The following RABGAP1 variants were observed in gnomAD, a reference collection of about 807,000 sequenced individuals.
RABGAP1 encodes rab GTPase-activating protein 1.
Under a neutral mutation model 137.6 loss-of-function variants are expected in RABGAP1, and 23 were observed. That is an observed-to-expected ratio of 0.17 (90% CI 0.12 to 0.24). The LOEUF (loss-of-function observed/expected upper bound fraction) is 0.24, where lower values mean the gene tolerates loss of function less well. RABGAP1 is among the 10% of genes least tolerant of loss of function. The pLI is 1.00. For missense variants in RABGAP1, 906 were observed against 1,275.8 expected (o/e 0.71, Z 4.42); for synonymous variants, 451 against 450.7 (o/e 1.00, Z -0.01).
At chr9:122,944,514 CTT>C (rs950553437) in intron 1 of RABGAP1, among the ~76,000 whole-genome samples, 7 of 151,810 alleles carry the variant, frequency 4.6e-5, no homozygotes, top group African/African-American at 1.7e-4. Flanking sequence ...CTTAAATAAT[CTT>C]TGTTTGTTTC....
At chr9:122,954,488 C>T (rs542545172) in intron 1 of RABGAP1, among the ~76,000 whole-genome samples, 1 of 152,286 alleles carries the variant, frequency 6.6e-6, no homozygotes, top group East Asian at 1.9e-4. Context: ...GAACTTTGAG[C>T]TTGCCAAATC....
chr9:123,099,335 T>G, intron 23 of RABGAP1, 143 bp from the exon 24 acceptor site: 1 of 723,652 alleles, frequency 1.4e-6, no homozygotes, highest in South Asian at 1.9e-5. Flanking sequence ...TGCTTATCCA[T>G]CGACTTCATA....
At chr9:123,032,492 A>G (rs2032357963) in intron 13 of RABGAP1, among the ~76,000 whole-genome samples, 1 of 152,240 alleles carries the variant, frequency 6.6e-6, no homozygotes, top group Non-Finnish European at 1.5e-5. Context: ...GGGACTGGCC[A>G]GACAACTGCT....
At chr9:123,076,120 C>G in intron 17 of RABGAP1, 125 bp from the exon 18 acceptor site, 2 of 977,374 alleles carry the variant, frequency 2.0e-6, no homozygotes, top group Non-Finnish European at 3.0e-6. Context: ...CAAGGTAGTT[C>G]TGAGATAATG....
At chr9:123,076,806 T>C (rs1268653190) in intron 19 of RABGAP1, 44 bp downstream of exon 19, 1 of 1,455,526 alleles carries the variant, frequency 6.9e-7, no homozygotes, top group African/African-American at 1.4e-5. Context: ...TTTCACTTAG[T>C]GTCTCACTAT....
chr9:122,971,321 C>T (rs552240179), intron 2 of RABGAP1, among the ~76,000 whole-genome samples: 12 of 152,302 alleles, frequency 7.9e-5, no homozygotes, highest in Non-Finnish European at 1.5e-4. Flanking sequence ...ATTGATAATA[C>T]TCCAGGCACC....
At chr9:122,998,986 A>T (rs1837183889) in intron 10 of RABGAP1, among the ~76,000 whole-genome samples, 1 of 151,980 alleles carries the variant, frequency 6.6e-6, no homozygotes, top group Non-Finnish European at 1.5e-5. Context: ...TTTACTTTCA[A>T]CCCGAAGAAC....
At chr9:122,990,285 T>C in intron 6 of RABGAP1, 72 bp downstream of exon 6, 1 of 1,289,134 alleles carries the variant, frequency 7.8e-7, no homozygotes. Context: ...GATTATAACT[T>C]TCATACCATA....
intron 10 of RABGAP1, among the ~76,000 whole-genome samples, chr9:123,004,397 C>T (rs1482973376): frequency 6.6e-6 from 1 of 152,050 alleles, no homozygotes; most frequent in East Asian, 1.9e-4. Context: ...AAGTGATCCT[C>T]CTACATCAGC....
At chr9:123,029,489 A>G (rs556198348) in intron 13 of RABGAP1, 4 of 1,145,052 alleles carry the variant, frequency 3.5e-6, no homozygotes, top group Admixed American at 1.7e-5. Context: ...AAGGAGCTCC[A>G]GAAGGGCTGC....
chr9:122,947,484 ATTAC>A (rs1054450592), intron 1 of RABGAP1, among the ~76,000 whole-genome samples: 21 of 152,362 alleles, frequency 1.4e-4, no homozygotes, highest in African/African-American at 3.6e-4. Context: ...TGTTTGTGTT[ATTAC>A]TTAATCACAA....
At chr9:123,020,863 C>A (rs1055550730) in intron 13 of RABGAP1, 52 of 865,094 alleles carry the variant, frequency 6.0e-5, no homozygotes, top group Non-Finnish European at 7.1e-5. Flanking sequence ...GAAAATAATT[C>A]TTTAATCTAA....
chr9:123,073,766 A>G, intron 16 of RABGAP1, 89 bp downstream of exon 16: 1 of 1,547,418 alleles, frequency 6.5e-7, no homozygotes. Flanking sequence ...GAGCATTGGT[A>G]ATTGCCTTAG....
At chr9:123,091,289 T>C (rs1165671038) in intron 21 of RABGAP1, among the ~76,000 whole-genome samples, 1 of 152,190 alleles carries the variant, frequency 6.6e-6, no homozygotes, top group Non-Finnish European at 1.5e-5. Context: ...TCTTACATTA[T>C]ATGCACTGAA....
chr9:123,039,714 A>G (rs1293167436), intron 13 of RABGAP1, among the ~76,000 whole-genome samples: 1 of 152,208 alleles, frequency 6.6e-6, no homozygotes, highest in Non-Finnish European at 1.5e-5. Context: ...AGTTTTTCAC[A>G]GAATGGATTA....
intron 13 of RABGAP1, among the ~76,000 whole-genome samples, chr9:123,052,540 C>T (rs796294851): frequency 7.2e-5 from 11 of 152,280 alleles, no homozygotes; most frequent in African/African-American, 2.4e-4. Flanking sequence ...TAGAGATATA[C>T]GTGAACAAAA....
At chr9:122,990,757 GAAAC>G (rs1836629774) in intron 6 of RABGAP1, 1 of 80,718 alleles carries the variant, frequency 1.2e-5, no homozygotes, top group South Asian at 4.7e-4. Flanking sequence ...CAACGAGAAC[GAAAC>G]TCCGTCTCAA....
the RABGAP1 span, among the ~76,000 whole-genome samples, chr9:122,934,742 C>T: frequency 3.9e-5 from 6 of 152,072 alleles, no homozygotes; most frequent in East Asian, 1.9e-4. Context: ...AGTGCAGTGG[C>T]GCAGTCTTGG....
intron 10 of RABGAP1, among the ~76,000 whole-genome samples, chr9:123,009,872 A>G (rs1488359975): frequency 6.6e-6 from 1 of 152,200 alleles, no homozygotes. Context: ...GAGTGGGGAT[A>G]AAACACTGGA....
Sources: allele counts gnomAD v4.1 joint callset (sites outside exome capture counted in the v4.1 genomes callset), GRCh38; gene constraint gnomAD v4.1.1; transcripts MANE v1.5; gene names NCBI Gene and HGNC (gene_info 2026-07-23, HGNC 2026-07-21).